The following SLC25A26 variants were observed in gnomAD, a reference collection of about 807,000 sequenced individuals.
SLC25A26 encodes the protein mitochondrial S-adenosylmethionine carrier protein.
In SLC25A26, 36 loss-of-function variants were observed where a neutral mutation model predicts 37.8. That is an observed-to-expected ratio of 0.95 (90% CI 0.73 to 1.26). SLC25A26 has a LOEUF of 1.26. Among genes scored for constraint, SLC25A26 ranks in the 50% most tolerant of loss-of-function variants. The probability of loss-of-function intolerance (pLI) is 0.00; values close to 1 mark genes in which losing one functional copy is unlikely to be tolerated. For missense variants in SLC25A26, 390 were observed against 331.1 expected, an observed-to-expected ratio of 1.18 and a Z score of -1.38; for synonymous variants, 129 against 122.5, an observed-to-expected ratio of 1.05 and a Z score of -0.35.
chr3:66,202,344 C>G (rs2071121945), intron 1 of SLC25A26, among the ~76,000 whole-genome samples: 1 of 151,874 alleles, frequency 6.6e-6, no homozygotes, highest in Non-Finnish European at 1.5e-5. Context: ...GGGTACATCA[C>G]ACACTGGGGC....
In SLC25A26 at chr3:66,207,008, C is replaced by T. The variant is rs1485713770; in HGVS notation, c.-353-13734C>T. 2.0e-5 allele frequency among the ~76,000 whole-genome samples: 3 copies of T among 151,068 alleles called. No individual in the cohort carries two copies. The East Asian group carries it at 5.8e-4, about 29-fold the overall frequency. On this transcript the variant is annotated intron_variant, in intron 1 of 10. Transcript: ENST00000676754. ...CTGTCTGCCTTGGCCTCCCACAGTG[C>T]TGGCATTACAGGTGTGAGTCACCTC...
intron 1 of SLC25A26, among the ~76,000 whole-genome samples, chr3:66,224,743 T>G (rs1470403081): frequency 1.3e-5 from 2 of 152,228 alleles, no homozygotes; most frequent in African/African-American, 4.8e-5. Flanking sequence ...GCAAGTCCCT[T>G]CTGCCTATGA....
chr3:66,303,730 C>T (rs2075138649), intron 5 of SLC25A26, among the ~76,000 whole-genome samples: 1 of 152,198 alleles, frequency 6.6e-6, no homozygotes, highest in African/African-American at 2.4e-5. Flanking sequence ...TTGATGATCT[C>T]ATGGGTCTCT....
At chr3:66,278,770 G>A (rs1053670461) in intron 5 of SLC25A26, among the ~76,000 whole-genome samples, 5 of 152,124 alleles carry the variant, frequency 3.3e-5, no homozygotes, top group African/African-American at 1.2e-4. Context: ...TTGCCACCTT[G>A]TCCTCCTTAA....
chr3:66,253,247 A>C (rs573826596), intron 3 of SLC25A26, among the ~76,000 whole-genome samples: 1 of 151,864 alleles, frequency 6.6e-6, no homozygotes, highest in East Asian at 1.9e-4. Context: ...CTCTAAAAAA[A>C]AAAGCAAAAA....
rs998613508 is a variant in SLC25A26 at position 66,210,093 on chromosome 3, A to G, written c.-353-10649A>G. ...TATGGAGCTAAAGATGCAACTATGT[A>G]TGGCCTCCTTCACTTCCTCCTTCCT... On this transcript the variant is annotated intron_variant, in intron 1 of 10. Coordinates refer to the SLC25A26 transcript ENST00000676754. 2.0e-5 allele frequency among the ~76,000 whole-genome samples: 3 copies of G among 150,140 alleles called. No homozygotes were observed. In the South Asian group the frequency reaches 6.4e-4, roughly 32 times the overall value.
rs10636303 is a variant in SLC25A26, at chr3:66,276,956, T to TG, written c.453+13578dup. The stretch of plus-strand genomic sequence containing the variant: ...TTGGAAGCTGCTTCCTGGCACTGTT[T>TG]GAAAAAAAAAAAAAAAGGTTCAAAT... On this transcript the variant is annotated intron_variant, in intron 5 of 9. Coordinates refer to ENST00000354883, the MANE Select transcript of SLC25A26 (RefSeq NM_001379210.1). Among the ~76,000 whole-genome samples the TG allele has an allele frequency of 5.7e-3, 612 of 107,772 alleles. 6 individuals carry two copies. The highest frequency in any genetic ancestry group is 0.018 in the East Asian group (86 of 4,776). 70.7% of individuals were successfully genotyped at this position (107,772 alleles called of 152,430 possible).
rs1351827778 is a variant in SLC25A26, at chr3:66,221,034, C to G, written c.-61C>G. On this transcript the variant is annotated 5_prime_UTR_variant, in exon 1 of 10. Transcript: ENST00000354883. Reference sequence around the variant, plus strand: ...CTCAAACATGGCGGCGCCCAGCGCGCGAGGACGTGATCCGCTTCTGCTCCG... The same window carrying G: ...CTCAAACATGGCGGCGCCCAGCGCGGGAGGACGTGATCCGCTTCTGCTCCG... The G allele has an allele frequency of 2.6e-6, 4 of 1,523,154 alleles. No homozygotes were observed. The highest frequency in any genetic ancestry group is 2.7e-5 in the African/African-American group (2 of 72,728). 94.4% of individuals were successfully genotyped at this position (1,523,154 alleles called of 1,614,324 possible). A position where few individuals can be genotyped will look rare whatever the true frequency, so the allele number is the denominator to read the frequency against.
intron 2 of SLC25A26, among the ~76,000 whole-genome samples, chr3:66,237,992 G>T (rs1485454558): frequency 6.6e-6 from 1 of 152,102 alleles, no homozygotes; most frequent in African/African-American, 2.4e-5. Flanking sequence ...CCATCCCCCA[G>T]CCATCATTAG....
chr3:66,142,221 T>C (rs893007594), intron 1 of SLC25A26, among the ~76,000 whole-genome samples: 13 of 152,226 alleles, frequency 8.5e-5, no homozygotes, highest in Non-Finnish European at 1.5e-5. Flanking sequence ...TTCATGTAAA[T>C]AAAATCATGG....
intron 1 of SLC25A26, among the ~76,000 whole-genome samples, chr3:66,136,673 G>A (rs1054349910): frequency 7.9e-5 from 12 of 152,200 alleles, no homozygotes; most frequent in Admixed American, 3.3e-4. Flanking sequence ...GCTTTCAGCC[G>A]CTAGGTTTCT....
intron 5 of SLC25A26, among the ~76,000 whole-genome samples, chr3:66,285,210 T>G (rs2074469349): frequency 6.6e-6 from 1 of 151,954 alleles, no homozygotes; most frequent in African/African-American, 2.4e-5. Context: ...AACAGTGTAA[T>G]GAGGTATATA....
chr3:66,346,711 T>TGTGC (rs1055845572), intron 6 of SLC25A26, among the ~76,000 whole-genome samples: 10 of 123,314 alleles, frequency 8.1e-5, no homozygotes, highest in East Asian at 2.4e-4. Flanking sequence ...CATTTTGCTG[T>TGTGC]GTGCGTGTGT....
Position 66,207,192 on chromosome 3 carries a change from G to A in SLC25A26, c.-353-13550G>A, listed in dbSNP as rs1054893772. On this transcript the variant is annotated intron_variant, in intron 1 of 10. Transcript: ENST00000676754. ...AGACCCAAATGCTACCCAAGTACCC[G>A]CCTCACCTACGTAAGTCATGTCTAG... Among the ~76,000 whole-genome samples, 535 of 152,106 alleles carry A rather than the reference G, an allele frequency of 3.5e-3. 14 individuals carry two copies. The East Asian group carries it at 0.078, about 22-fold the overall frequency.
At chr3:66,192,712 G>A (rs1157037574) in intron 1 of SLC25A26, among the ~76,000 whole-genome samples, 2 of 152,020 alleles carry the variant, frequency 1.3e-5, no homozygotes, top group Non-Finnish European at 2.9e-5. Flanking sequence ...CATATCAAAG[G>A]CACATTCTTA....
chr3:66,188,031 C>T (rs2070863805), intron 1 of SLC25A26, among the ~76,000 whole-genome samples: 1 of 152,212 alleles, frequency 6.6e-6, no homozygotes, highest in African/African-American at 2.4e-5. Flanking sequence ...TGACTTAGAA[C>T]CCTATCCTCA....
intron 1 of SLC25A26, among the ~76,000 whole-genome samples, chr3:66,144,848 A>G (rs1424944072): frequency 6.6e-6 from 1 of 152,324 alleles, no homozygotes; most frequent in East Asian, 1.9e-4. Context: ...TAAAGTTCTG[A>G]GAAAATGTGG....
chr3:66,377,463 C>T (rs1700735325), intron 9 of SLC25A26, among the ~76,000 whole-genome samples: 1 of 151,634 alleles, frequency 6.6e-6, no homozygotes, highest in Admixed American at 6.6e-5. Flanking sequence ...TCTTTAACAC[C>T]TTTTTAAAAA....
intron 9 of SLC25A26, among the ~76,000 whole-genome samples, chr3:66,377,078 A>C (rs1178689804): frequency 2.6e-5 from 4 of 152,188 alleles, no homozygotes; most frequent in Non-Finnish European, 5.9e-5. Flanking sequence ...GTTTTAAAGA[A>C]TGAATCCCCA....
Sources: allele counts gnomAD v4.1 joint callset (sites outside exome capture counted in the v4.1 genomes callset), GRCh38; gene constraint gnomAD v4.1.1; transcripts MANE v1.5; gene names NCBI Gene and HGNC (gene_info 2026-07-23, HGNC 2026-07-21).